LZTS2: variants seen among roughly 807,000 people sequenced by gnomAD.
LZTS2 encodes leucine zipper tumor suppressor 2, also known as leucine zipper putative tumor suppressor 2.
A neutral mutation model predicts 60.6 loss-of-function variants in LZTS2; 32 were observed. That is an observed-to-expected ratio of 0.53 (90% CI 0.40 to 0.71). The LOEUF (loss-of-function observed/expected upper bound fraction) is 0.71, where lower values mean the gene tolerates loss of function less well. Ranked by LOEUF, LZTS2 falls within the 30% of genes least tolerant of loss-of-function variation. The pLI, the probability that LZTS2 is intolerant of heterozygous loss-of-function variation, is 0.00. For synonymous variants in LZTS2, 360 were observed against 393.1 expected, an observed-to-expected ratio of 0.92 and a Z score of 1.00; for missense variants, 792 against 901.9, an observed-to-expected ratio of 0.88 and a Z score of 1.56.
At chr10:101,003,557 C>A in exon 2 of LZTS2, 1 of 1,546,596 alleles carries the variant, frequency 6.5e-7, no homozygotes, top group Non-Finnish European at 8.7e-7. Context: ...CAGTGCTGCC[C>A]AAACCTCGAG....
chr10:101,006,898 G>A, exon 4 of LZTS2: 1 of 1,533,516 alleles, frequency 6.5e-7, no homozygotes, highest in Non-Finnish European at 8.8e-7. Flanking sequence ...GATTGCGGGT[G>A]GAGCTGCAGC....
chr10:101,006,199 A>ACCCAGTC (rs758496393), intron 3 of LZTS2, among the ~76,000 whole-genome samples: 38 of 152,120 alleles, frequency 2.5e-4, no homozygotes, highest in Non-Finnish European at 4.4e-4. Flanking sequence ...ACTTGCCAGG[A>ACCCAGTC]CCCAGTCCCC....
chr10:100,999,842 C>CGGGCCAGGGCCG (rs1393679270), exon 1 of LZTS2: 1 of 147,878 alleles, frequency 6.8e-6, no homozygotes. Context: ...TGGCGGCGCG[C>CGGGCCAGGGCCG]GGGCCAGGGC....
exon 4 of LZTS2, chr10:101,006,838 G>A (rs777766145): frequency 2.0e-6 from 3 of 1,537,512 alleles, no homozygotes; most frequent in Admixed American, 3.9e-5. Flanking sequence ...AGGCCAAAGT[G>A]CAGCGGGCAG....
At chr10:101,005,384 G>T in intron 2 of LZTS2, 74 bp from the exon 4 acceptor site, 1 of 1,474,146 alleles carries the variant, frequency 6.8e-7, no homozygotes, top group South Asian at 1.4e-5. Flanking sequence ...CCTCGGAAGT[G>T]GGCTGCCAGA....
chr10:101,005,847 T>C, intron 3 of LZTS2, 132 bp downstream of exon 4: 3 of 1,243,980 alleles, frequency 2.4e-6, no homozygotes, highest in African/African-American at 1.5e-5. Flanking sequence ...TGAGATGAGG[T>C]TCCCCTCTGT....
exon 4 of LZTS2, chr10:101,007,171 C>A: frequency 1.3e-6 from 2 of 1,559,230 alleles, no homozygotes; most frequent in Admixed American, 1.9e-5. Context: ...AGATCTAGGG[C>A]CCTCAGCAAC....
chr10:101,004,915 C>T (rs1010460608), intron 2 of LZTS2, among the ~76,000 whole-genome samples: 7 of 152,126 alleles, frequency 4.6e-5, no homozygotes, highest in African/African-American at 1.2e-4. Flanking sequence ...CCAAGCTGGT[C>T]GCGAACCCCT....
In LZTS2 at chr10:101,007,704, G is replaced by A; in HGVS notation, c.*536G>A. 2.0e-6 allele frequency: 2 copies of A among 1,022,848 alleles called. 1 individual carries two copies. The highest frequency in any genetic ancestry group is 5.6e-5 in the South Asian group (2 of 35,990). 63.4% of individuals were successfully genotyped at this position (1,022,848 alleles called of 1,614,324 possible). Reference sequence around the variant, plus strand: ...GAACTCAGAAATGTCTTGTTTATTTGTGTTTGTGACCAAGCAGCCTCTCCC... The same window carrying A: ...GAACTCAGAAATGTCTTGTTTATTTATGTTTGTGACCAAGCAGCCTCTCCC... On this transcript the variant is annotated 3_prime_UTR_variant, in exon 4 of 4. Transcript: ENST00000370220.
At chr10:101,007,238 A>T in exon 4 of LZTS2, 1 of 1,461,518 alleles carries the variant, frequency 6.8e-7, no homozygotes. Flanking sequence ...CTTAGGCCCC[A>T]GGGTCCACGG....
intron 1 of LZTS2, 110 bp from the exon 3 acceptor site, chr10:101,003,397 G>C: frequency 8.3e-7 from 1 of 1,203,926 alleles, no homozygotes. Flanking sequence ...GGCCGCAATT[G>C]TTATGAATAT....
Position 101,006,437 on chromosome 10 carries a change from C to G in LZTS2, c.1327-48C>G, listed in dbSNP as rs763882932. On this transcript the variant is annotated intron_variant, in intron 3 of 3. Coordinates refer to ENST00000370220, the Ensembl canonical transcript of LZTS2. ...AGCATGATGTGCAGGGCCTGTCCCC[C>G]CAGGAGAACCTGTCTCACCATCCTT... The G allele has an allele frequency of 7.7e-5, 120 of 1,559,394 alleles. 2 individuals are homozygous for G. In the Middle Eastern group the frequency reaches 1.2e-3, roughly 15 times the overall value.
exon 1 of LZTS2, chr10:101,002,828 C>T (rs1564816404): frequency 1.9e-6 from 3 of 1,613,884 alleles, no homozygotes; most frequent in Non-Finnish European, 2.5e-6. Flanking sequence ...GACTTCCGGA[C>T]AGAGTCACCC....
chr10:101,006,193 G>A (rs1377618815), intron 3 of LZTS2, among the ~76,000 whole-genome samples: 1 of 152,194 alleles, frequency 6.6e-6, no homozygotes, highest in Non-Finnish European at 1.5e-5. Flanking sequence ...TGCAGCACTT[G>A]CCAGGACCCA....
At chr10:101,004,057 C>T (rs71488080) in exon 2 of LZTS2, 12 of 1,613,292 alleles carry the variant, frequency 7.4e-6, no homozygotes, top group African/African-American at 5.3e-5. Context: ...CCACCTCCTT[C>T]GGATGAGGCC....
At chr10:101,002,798 G>A in exon 1 of LZTS2, 1 of 1,613,886 alleles carries the variant, frequency 6.2e-7, no homozygotes, top group Non-Finnish European at 8.5e-7. Context: ...CCTGTCACCA[G>A]CTTCACCTAC....
intron 2 of LZTS2, 27 bp downstream of exon 3, chr10:101,004,193 G>A: frequency 6.4e-7 from 1 of 1,572,656 alleles, no homozygotes; most frequent in Non-Finnish European, 8.7e-7. Context: ...TGATGGGGAA[G>A]GGGCATGGCA....
chr10:101,006,437 C>T, intron 3 of LZTS2, 48 bp from the exon 5 acceptor site: 2 of 1,559,394 alleles, frequency 1.3e-6, no homozygotes, highest in South Asian at 1.2e-5. Flanking sequence ...GCCTGTCCCC[C>T]CAGGAGAACC....
exon 1 of LZTS2, chr10:101,002,806 T>C (rs1852071415): frequency 6.2e-7 from 1 of 1,613,852 alleles, no homozygotes; most frequent in Non-Finnish European, 8.5e-7. Context: ...CAGCTTCACC[T>C]ACATCAATGA....
Sources: gnomAD v4.1 joint callset for allele counts (sites outside exome capture counted in the v4.1 genomes callset) on GRCh38, gnomAD v4.1.1 for gene constraint, MANE v1.5 for transcripts, NCBI Gene and HGNC (gene_info 2026-07-23, HGNC 2026-07-21) for gene names.